Variants in CYP4X1 observed in about 807,000 individuals in gnomAD.
CYP4X1 encodes cytochrome P450 4X1.
CYP4X1 carries 44 observed loss-of-function variants against 57.9 expected under a neutral mutation model. That is an observed-to-expected ratio of 0.76 (90% CI 0.60 to 0.98). The LOEUF (loss-of-function observed/expected upper bound fraction) is 0.98. CYP4X1 is among the 50% of genes least tolerant of loss of function. The pLI, the probability that CYP4X1 is intolerant of heterozygous loss-of-function variation, is 0.00. For missense variants in CYP4X1, 532 were observed against 623.9 expected, an observed-to-expected ratio of 0.85 and a Z score of 1.57; for synonymous variants, 227 against 228.6, an observed-to-expected ratio of 0.99 and a Z score of 0.06.
the CYP4X1 span, among the ~76,000 whole-genome samples, chr1:47,012,182 G>A: frequency 6.6e-6 from 1 of 152,128 alleles, no homozygotes; most frequent in African/African-American, 2.4e-5. Flanking sequence ...ATGATAGACT[G>A]GATTAAGAAA....
At chr1:46,974,486 G>A in the CYP4X1 span, among the ~76,000 whole-genome samples, 2 of 152,066 alleles carry the variant, frequency 1.3e-5, no homozygotes, top group Admixed American at 6.6e-5. Flanking sequence ...ACCTTTGTTA[G>A]TATTCTGCCT....
At chr1:47,027,322 C>G (rs1644078535) in intron 1 of CYP4X1, among the ~76,000 whole-genome samples, 1 of 152,036 alleles carries the variant, frequency 6.6e-6, no homozygotes, top group African/African-American at 2.4e-5. Flanking sequence ...AATCTAGTAT[C>G]TAAGGCTCAA....
chr1:47,009,166 C>A, the CYP4X1 span, among the ~76,000 whole-genome samples: 8 of 152,156 alleles, frequency 5.3e-5, no homozygotes, highest in Non-Finnish European at 7.4e-5. Context: ...ACATAGTTGG[C>A]AGTAAAGCAC....
At chr1:47,032,020 G>A (rs1644130192) in intron 3 of CYP4X1, among the ~76,000 whole-genome samples, 1 of 151,922 alleles carries the variant, frequency 6.6e-6, no homozygotes, top group South Asian at 2.1e-4. Context: ...TCCAGACTAG[G>A]TGACAGAGCA....
chr1:46,984,058 G>A, the CYP4X1 span, among the ~76,000 whole-genome samples: 168 of 151,720 alleles, frequency 1.1e-3, 1 homozygote, highest in African/African-American at 3.8e-3. Flanking sequence ...GTGGGCCTGA[G>A]CAGCAGCTCT....
the CYP4X1 span, among the ~76,000 whole-genome samples, chr1:46,976,639 G>A: frequency 6.6e-6 from 1 of 152,306 alleles, no homozygotes; most frequent in South Asian, 2.1e-4. Flanking sequence ...TGAACAGACT[G>A]CCTCCTCAAG....
the CYP4X1 span, among the ~76,000 whole-genome samples, chr1:46,973,717 T>C: frequency 6.6e-6 from 1 of 152,098 alleles, no homozygotes; most frequent in Non-Finnish European, 1.5e-5. Flanking sequence ...TGTGCATAGA[T>C]GTGTTCATAG....
At chr1:47,007,176 C>G in the CYP4X1 span, among the ~76,000 whole-genome samples, 1 of 152,216 alleles carries the variant, frequency 6.6e-6, no homozygotes, top group Non-Finnish European at 1.5e-5. Flanking sequence ...GAGGCACCCT[C>G]CAGTAGGGGC....
chr1:47,025,282 C>A (rs1355671597), intron 1 of CYP4X1, among the ~76,000 whole-genome samples: 1 of 152,218 alleles, frequency 6.6e-6, no homozygotes, highest in African/African-American at 2.4e-5. Context: ...CTCCTGTTCA[C>A]TTCCACTATG....
the CYP4X1 span, among the ~76,000 whole-genome samples, chr1:46,987,401 A>G: frequency 6.6e-6 from 1 of 152,200 alleles, no homozygotes; most frequent in Admixed American, 6.5e-5. Context: ...TTAGAGACCT[A>G]TAAAGAGACT....
At chr1:46,963,918 T>C in the CYP4X1 span, among the ~76,000 whole-genome samples, 1 of 152,242 alleles carries the variant, frequency 6.6e-6, no homozygotes, top group South Asian at 2.1e-4. Context: ...CATAGTCCCA[T>C]ATTTCTTGGA....
chr1:46,991,366 C>CA, the CYP4X1 span, among the ~76,000 whole-genome samples: 9 of 152,286 alleles, frequency 5.9e-5, no homozygotes, highest in East Asian at 1.7e-3. Flanking sequence ...TAATTCTCCA[C>CA]AGTAAGCCCC....
At chr1:46,989,282 G>A in the CYP4X1 span, among the ~76,000 whole-genome samples, 1 of 152,118 alleles carries the variant, frequency 6.6e-6, no homozygotes, top group Non-Finnish European at 1.5e-5. Flanking sequence ...CAAATCATGA[G>A]TGAACACACA....
In CYP4X1 at chr1:47,033,225, C is replaced by T; in HGVS notation, c.365-16C>T. 3 of 1,609,578 alleles carry T rather than the reference C, an allele frequency of 1.9e-6. No individual in the cohort carries two copies. The highest frequency in any genetic ancestry group is 2.5e-6 in the Non-Finnish European group (3 of 1,178,442). ...TAATTAAATGGCATAAGGTTTTCTGCCTTTTATTTCTCAAGGAAAAGGACT... is the reference window on the plus strand; with the variant it reads ...TAATTAAATGGCATAAGGTTTTCTGTCTTTTATTTCTCAAGGAAAAGGACT... On this transcript the variant is annotated splice_polypyrimidine_tract_variant and intron_variant, in intron 3 of 11. Coordinates refer to ENST00000371901, the MANE Select transcript of CYP4X1 (RefSeq NM_178033.2).
At chr1:46,976,590 A>T in the CYP4X1 span, among the ~76,000 whole-genome samples, 16 of 152,114 alleles carry the variant, frequency 1.1e-4, 1 homozygote, top group African/African-American at 3.9e-4. Flanking sequence ...CTCTGAAGAG[A>T]GCAATGGTTC....
At chr1:47,051,571 C>T (rs1250847497), downstream of CYP4X1, among the ~76,000 whole-genome samples, 1 of 152,092 alleles carries the variant, frequency 6.6e-6, no homozygotes, top group Non-Finnish European at 1.5e-5. Context: ...CCTTGGATGA[C>T]CTAATTTGCT....
At chr1:47,008,511 T>C in the CYP4X1 span, among the ~76,000 whole-genome samples, 5 of 152,198 alleles carry the variant, frequency 3.3e-5, no homozygotes, top group Admixed American at 2.6e-4. Flanking sequence ...AAAAACTGCA[T>C]CAACTAATGA....
the CYP4X1 span, among the ~76,000 whole-genome samples, chr1:47,014,152 C>T: frequency 1.3e-5 from 2 of 152,106 alleles, no homozygotes; most frequent in Admixed American, 1.3e-4. Flanking sequence ...TGGATATTGA[C>T]ATTGTAAAAT....
rs202123455 is a variant in CYP4X1, at chr1:47,026,982, TG to T, written c.177+2991del. ...CACCCGCCTCACCCTCCCAAAGTGC[TG>T]GGATTACAGGCGTGAGCCACCACTC... On this transcript the variant is annotated intron_variant, in intron 1 of 11. Transcript: ENST00000371901. 9.0e-3 allele frequency among the ~76,000 whole-genome samples: 1,373 copies of T among 152,332 alleles called. 24 individuals are homozygous for T. Among genetic ancestry groups the T allele is most frequent in the African/African-American group, 0.031 (1,278 of 41,586 alleles).
Sources: allele counts gnomAD v4.1 joint callset (sites outside exome capture counted in the v4.1 genomes callset), GRCh38; gene constraint gnomAD v4.1.1; transcripts MANE v1.5; gene names NCBI Gene and HGNC (gene_info 2026-07-23, HGNC 2026-07-21).